REDIC1: variants seen among roughly 807,000 people sequenced by gnomAD.
The protein encoded by REDIC1 is regulator of DNA class I crossover intermediates 1.
At chr12:39,799,239 G>T in the REDIC1 span, among the ~76,000 whole-genome samples, 1 of 145,724 alleles carries the variant, frequency 6.9e-6, no homozygotes, top group Non-Finnish European at 1.5e-5. Context: ...ACAGGCATGT[G>T]CCACTATGCT....
At chr12:39,754,016 C>A in the REDIC1 span, among the ~76,000 whole-genome samples, 1 of 152,062 alleles carries the variant, frequency 6.6e-6, no homozygotes, top group Non-Finnish European at 1.5e-5. Flanking sequence ...AGGATTTGTT[C>A]CTGTAATCCA....
chr12:39,716,232 A>T, the REDIC1 span, among the ~76,000 whole-genome samples: 16 of 152,042 alleles, frequency 1.1e-4, no homozygotes, highest in African/African-American at 3.1e-4. Flanking sequence ...CATGACCTAC[A>T]TCTCAATCCC....
At chr12:39,753,017 C>A in the REDIC1 span, among the ~76,000 whole-genome samples, 9 of 152,194 alleles carry the variant, frequency 5.9e-5, no homozygotes, top group Non-Finnish European at 1.3e-4. Flanking sequence ...GTAACACACT[C>A]AGGTGATGCC....
At chr12:39,865,626 A>G in the REDIC1 span, among the ~76,000 whole-genome samples, 1 of 152,194 alleles carries the variant, frequency 6.6e-6, no homozygotes. Flanking sequence ...AGCCACAGAC[A>G]TTGTGAGGGT....
the REDIC1 span, among the ~76,000 whole-genome samples, chr12:39,751,369 T>A: frequency 6.6e-6 from 1 of 152,180 alleles, no homozygotes; most frequent in Non-Finnish European, 1.5e-5. Flanking sequence ...CACACACCAG[T>A]TAGAATGGCA....
At chr12:39,848,397 C>T in the REDIC1 span, among the ~76,000 whole-genome samples, 6 of 152,068 alleles carry the variant, frequency 3.9e-5, no homozygotes, top group Non-Finnish European at 5.9e-5. Context: ...AGATGACATA[C>T]GTGCAGCCAA....
the REDIC1 span, among the ~76,000 whole-genome samples, chr12:39,712,547 C>T: frequency 0.79 from 111,127 of 141,124 alleles, 44,155 homozygotes; most frequent in Non-Finnish European, 0.85. Context: ...TGCGTATATA[C>T]ACGACATATG....
chr12:39,652,845 G>C, the REDIC1 span, among the ~76,000 whole-genome samples: 1 of 152,018 alleles, frequency 6.6e-6, no homozygotes, highest in Non-Finnish European at 1.5e-5. Context: ...GAAATCAATT[G>C]ACTGTAAATA....
chr12:39,803,847 A>C, the REDIC1 span, among the ~76,000 whole-genome samples: 2 of 152,198 alleles, frequency 1.3e-5, no homozygotes, highest in Non-Finnish European at 2.9e-5. Flanking sequence ...AATTTTTCAT[A>C]ACTGATGGAA....
the REDIC1 span, among the ~76,000 whole-genome samples, chr12:39,706,540 C>G: frequency 1.3e-5 from 2 of 151,870 alleles, no homozygotes; most frequent in African/African-American, 4.8e-5. Context: ...GAATAGCATT[C>G]TCTTACTTCA....
the REDIC1 span, among the ~76,000 whole-genome samples, chr12:39,626,517 TCTC>T: frequency 6.6e-6 from 1 of 152,120 alleles, no homozygotes; most frequent in Admixed American, 6.5e-5. Context: ...TAGAACCATA[TCTC>T]TACTCCTCAG....
At chr12:39,708,706 T>G in the REDIC1 span, among the ~76,000 whole-genome samples, 1 of 151,878 alleles carries the variant, frequency 6.6e-6, no homozygotes, top group South Asian at 2.1e-4. Context: ...TGACCTATTT[T>G]GTGGCTTTCT....
chr12:39,902,328 A>G, the REDIC1 span, among the ~76,000 whole-genome samples: 3 of 151,900 alleles, frequency 2.0e-5, no homozygotes, highest in Admixed American at 1.3e-4. Context: ...TACCCTAAAA[A>G]TTAAAGTATA....
the REDIC1 span, among the ~76,000 whole-genome samples, chr12:39,847,605 T>C: frequency 6.6e-6 from 1 of 152,018 alleles, no homozygotes; most frequent in Non-Finnish European, 1.5e-5. Flanking sequence ...GACATTTGTA[T>C]GGGTACAGTA....
At chr12:39,675,615 A>G in the REDIC1 span, among the ~76,000 whole-genome samples, 1 of 152,356 alleles carries the variant, frequency 6.6e-6, no homozygotes, top group Non-Finnish European at 1.5e-5. Flanking sequence ...GAGTCTGTTC[A>G]TGTGACAACT....
the REDIC1 span, among the ~76,000 whole-genome samples, chr12:39,886,487 C>T: frequency 6.6e-6 from 1 of 151,866 alleles, no homozygotes; most frequent in Non-Finnish European, 1.5e-5. Flanking sequence ...AGTCAGCATA[C>T]ATTTATTTAG....
At chr12:39,765,329 T>A in the REDIC1 span, among the ~76,000 whole-genome samples, 1 of 152,010 alleles carries the variant, frequency 6.6e-6, no homozygotes, top group African/African-American at 2.4e-5. Context: ...AAACAAATGA[T>A]TCTATCTGAT....
the REDIC1 span, among the ~76,000 whole-genome samples, chr12:39,713,481 T>C: frequency 6.7e-6 from 1 of 149,874 alleles, no homozygotes; most frequent in Non-Finnish European, 1.5e-5. Context: ...CATGTATACA[T>C]TTATACATTT....
At chr12:39,736,736 G>T in the REDIC1 span, 15 of 152,208 alleles carry the variant, frequency 9.9e-5, no homozygotes, top group Admixed American at 9.8e-4. Flanking sequence ...ATCCTGAGCT[G>T]CCATTTAAGA....
Sources: allele counts gnomAD v4.1 joint callset (sites outside exome capture counted in the v4.1 genomes callset), GRCh38; gene constraint gnomAD v4.1.1; transcripts MANE v1.5; gene names NCBI Gene and HGNC (gene_info 2026-07-23, HGNC 2026-07-21).